The following ADD2 variants were observed in gnomAD, a reference collection of about 807,000 sequenced individuals.
The protein encoded by ADD2 is beta-adducin.
In ADD2, 23 loss-of-function variants were observed where a neutral mutation model predicts 83.0. The ratio of observed to expected loss-of-function variants is 0.28; its 90% CI spans 0.20 to 0.39. The LOEUF is 0.39. ADD2 is among the 10% of genes least tolerant of loss of function. The pLI is 1.00. For synonymous variants in ADD2, 375 were observed against 375.4 expected (o/e 1.00, Z 0.01); for missense variants, 758 against 944.9 (o/e 0.80, Z 2.59).
intron 1 of ADD2, among the ~76,000 whole-genome samples, chr2:70,743,455 C>T (rs781797489): frequency 5.3e-5 from 8 of 152,214 alleles, no homozygotes; most frequent in Non-Finnish European, 7.3e-5. Flanking sequence ...TGGCTGTCTC[C>T]TCTCTCCAGG....
At chr2:70,699,495 A>G (rs1395635426) in intron 4 of ADD2, among the ~76,000 whole-genome samples, 2 of 152,174 alleles carry the variant, frequency 1.3e-5, no homozygotes, top group African/African-American at 4.8e-5. Flanking sequence ...AAAAATAAAA[A>G]CAGGCCAGGC....
At chr2:70,741,339 A>T (rs1028246407) in intron 1 of ADD2, 1 of 152,344 alleles carries the variant, frequency 6.6e-6, no homozygotes, top group Non-Finnish European at 1.5e-5. Flanking sequence ...CACTATAATT[A>T]CCTTCTGATA....
chr2:70,665,127 T>TA (rs1359449733), intron 15 of ADD2, among the ~76,000 whole-genome samples: 2 of 152,062 alleles, frequency 1.3e-5, no homozygotes, highest in Non-Finnish European at 2.9e-5. Context: ...TAGTCAGTGT[T>TA]ACAGAGGGAG....
At chr2:70,767,522 AG>A in intron 1 of ADD2, 7 of 418,988 alleles carry the variant, frequency 1.7e-5, no homozygotes, top group Non-Finnish European at 2.3e-5. Context: ...GAGGGGAGGG[AG>A]GGGAGGGGAG....
At position 70,673,345 on chromosome 2, in the gene ADD2, G is replaced by C. The variant is rs1553367540; in HGVS notation, c.1742-339C>G. On this transcript the variant is annotated intron_variant, in intron 14 of 15. Coordinates refer to ENST00000264436, the MANE Select transcript of ADD2 (RefSeq NM_001617.4). ...CCTGTCTCTGAAGAGAACCAGCCAG[G>C]AGCTTTGTGTCGTGAGCACAGAGCA... 3 of 1,613,010 alleles carry C rather than the reference G, an allele frequency of 1.9e-6. No individual in the cohort carries two copies. In the East Asian group the frequency reaches 6.7e-5, roughly 36 times the overall value.
At chr2:70,734,585 A>T (rs1328902453) in intron 1 of ADD2, among the ~76,000 whole-genome samples, 1 of 152,184 alleles carries the variant, frequency 6.6e-6, no homozygotes, top group Admixed American at 6.5e-5. Flanking sequence ...GGAAGGGAGA[A>T]CTGAAATGGA....
chr2:70,674,866 C>T (rs369996948), intron 13 of ADD2, 41 bp from the exon 14 acceptor site: 11 of 1,593,398 alleles, frequency 6.9e-6, no homozygotes, highest in African/African-American at 2.7e-5. Context: ...CTCTGAACGC[C>T]GCAGTTGGGG....
chr2:70,697,355 G>T (rs1403610939), intron 4 of ADD2, among the ~76,000 whole-genome samples: 2 of 152,184 alleles, frequency 1.3e-5, no homozygotes, highest in African/African-American at 2.4e-5. Flanking sequence ...ATGTGGAAGG[G>T]ATTTGGAAAT....
At chr2:70,760,304 C>T (rs1675017403) in intron 1 of ADD2, among the ~76,000 whole-genome samples, 1 of 152,184 alleles carries the variant, frequency 6.6e-6, no homozygotes, top group Non-Finnish European at 1.5e-5. Context: ...GCCATCCCCA[C>T]CTCAAACTCG....
At position 70,674,622 on chromosome 2, in the gene ADD2, C is replaced by G. The variant is rs1015022236; in HGVS notation, c.1741+56G>C. 1.7e-5 allele frequency: 26 copies of G among 1,565,774 alleles called. No individual in the cohort carries two copies. The Middle Eastern group carries it at 7.0e-4, about 42-fold the overall frequency. On this transcript the variant is annotated intron_variant, in intron 14 of 15. Coordinates refer to ENST00000264436, the MANE Select transcript of ADD2 (RefSeq NM_001617.4). Reference sequence around the variant, plus strand: ...AAGGTCCTCTCTTGGTAGTCCTGAGCTCTCCCCTCCACCCTGGGGGACTTG... The same window carrying G: ...AAGGTCCTCTCTTGGTAGTCCTGAGGTCTCCCCTCCACCCTGGGGGACTTG...
rs1675599928 is a variant in ADD2 at position 70,663,088 on chromosome 2, T to C, written c.*337A>G. ...GCTCACGGCCCATTTCTGGCCTTCT[T>C]GCCCTAGGCTCAGATTGGTGGACAG... On this transcript the variant is annotated 3_prime_UTR_variant, in exon 16 of 16. Coordinates refer to ENST00000264436, the MANE Select transcript of ADD2 (RefSeq NM_001617.4). 1 of 234,072 alleles carries C rather than the reference T, an allele frequency of 4.3e-6. No homozygotes were observed. The highest frequency in any genetic ancestry group is 8.3e-6 in the Non-Finnish European group (1 of 119,974). 14.5% of individuals were successfully genotyped at this position (234,072 alleles called of 1,614,324 possible).
intron 5 of ADD2, 75 bp from the exon 6 acceptor site, chr2:70,695,876 C>A: frequency 7.6e-7 from 1 of 1,308,224 alleles, no homozygotes; most frequent in South Asian, 1.3e-5. Flanking sequence ...CTTGAATCCC[C>A]TCTTCCCCTG....
intron 1 of ADD2, among the ~76,000 whole-genome samples, chr2:70,765,132 C>T (rs567035790): frequency 1.3e-4 from 20 of 152,056 alleles, no homozygotes; most frequent in Middle Eastern, 3.2e-3. Flanking sequence ...GCAGGTGGAT[C>T]GCTTGAGGCC....
At chr2:70,718,186 T>C (rs1672566125) in intron 1 of ADD2, among the ~76,000 whole-genome samples, 1 of 152,220 alleles carries the variant, frequency 6.6e-6, no homozygotes, top group African/African-American at 2.4e-5. Context: ...TATCCAGGAA[T>C]TGGATTGTTG....
At chr2:70,729,136 G>A (rs1431722781) in intron 1 of ADD2, among the ~76,000 whole-genome samples, 1 of 152,194 alleles carries the variant, frequency 6.6e-6, no homozygotes, top group African/African-American at 2.4e-5. Context: ...GGCAATTAGA[G>A]GCACTGCCTG....
intron 1 of ADD2, among the ~76,000 whole-genome samples, chr2:70,747,231 C>T (rs566838584): frequency 6.6e-6 from 1 of 152,218 alleles, no homozygotes; most frequent in East Asian, 1.9e-4. Context: ...AGGATGGTCT[C>T]GATCTCCTGA....
At chr2:70,666,561 G>A (rs1675809299) in intron 15 of ADD2, among the ~76,000 whole-genome samples, 1 of 152,218 alleles carries the variant, frequency 6.6e-6, no homozygotes, top group Admixed American at 6.5e-5. Flanking sequence ...GATGGTTGGG[G>A]CACTTGCCTT....
intron 1 of ADD2, among the ~76,000 whole-genome samples, chr2:70,753,799 C>T (rs1558580911): frequency 1.3e-5 from 2 of 152,150 alleles, no homozygotes; most frequent in East Asian, 1.9e-4. Flanking sequence ...TTCAGCCATG[C>T]ATCTGAAAAA....
rs199560091 is a variant in ADD2 at position 70,692,572 on chromosome 2, A to G, written c.556-20T>C. 435 of 1,576,746 alleles carry G rather than the reference A, an allele frequency of 2.8e-4. 1 individual carries two copies. Among genetic ancestry groups the G allele is most frequent in the Admixed American group, 9.0e-5 (5 of 55,386 alleles). On this transcript the variant is annotated intron_variant, in intron 6 of 15. Coordinates refer to ENST00000264436, the MANE Select transcript of ADD2 (RefSeq NM_001617.4). ...CTTGATCTGCGCCAGGGAAGAAGAG[A>G]GACTTATGGCAACAGGGTGGCCGAG...
Sources: gnomAD v4.1 joint callset for allele counts (sites outside exome capture counted in the v4.1 genomes callset) on GRCh38, gnomAD v4.1.1 for gene constraint, MANE v1.5 for transcripts, NCBI Gene and HGNC (gene_info 2026-07-23, HGNC 2026-07-21) for gene names.